Variants in AGBL1 observed in about 807,000 individuals in gnomAD.
AGBL1 encodes AGBL carboxypeptidase 1.
Under a neutral mutation model 118.9 loss-of-function variants are expected in AGBL1, and 130 were observed. The ratio of observed to expected loss-of-function variants is 1.09; its 90% CI spans 0.95 to 1.26. AGBL1 has a LOEUF of 1.26. AGBL1 is among the 50% of genes most tolerant of loss of function. The pLI is 0.00. For synonymous variants in AGBL1, 555 were observed against 478.9 expected (o/e 1.16, Z -2.08); for missense variants, 1,584 against 1,298.1 (o/e 1.22, Z -3.38).
At chr15:86,375,995 G>A (rs1441023303) in intron 17 of AGBL1, among the ~76,000 whole-genome samples, 1 of 152,196 alleles carries the variant, frequency 6.6e-6, no homozygotes, top group African/African-American at 2.4e-5. Flanking sequence ...ACAAGTTGGT[G>A]TGTCTTAAAT....
At chr15:86,997,250 T>C (rs1442082797) in intron 24 of AGBL1, among the ~76,000 whole-genome samples, 1 of 152,134 alleles carries the variant, frequency 6.6e-6, no homozygotes, top group Non-Finnish European at 1.5e-5. Flanking sequence ...ACATTGTATC[T>C]CAGAGATAAC....
intron 22 of AGBL1, among the ~76,000 whole-genome samples, chr15:86,709,025 T>C (rs559256051): frequency 6.6e-6 from 1 of 152,184 alleles, no homozygotes; most frequent in South Asian, 2.1e-4. Context: ...CTAAAAGGTA[T>C]GACTATTTTC....
intron 3 of AGBL1, among the ~76,000 whole-genome samples, chr15:86,144,950 C>G (rs2077012920): frequency 6.6e-6 from 1 of 152,194 alleles, no homozygotes; most frequent in Non-Finnish European, 1.5e-5. Context: ...AAGGTGTTGG[C>G]AGGGTTGGTT....
chr15:87,016,894 T>A (rs1425759109), intron 24 of AGBL1, among the ~76,000 whole-genome samples: 1 of 152,234 alleles, frequency 6.6e-6, no homozygotes, highest in South Asian at 2.1e-4. Flanking sequence ...CAGAGAGCTG[T>A]GTGAAGTCCC....
chr15:87,007,607 A>G (rs900842411), intron 24 of AGBL1, among the ~76,000 whole-genome samples: 9 of 152,252 alleles, frequency 5.9e-5, no homozygotes, highest in African/African-American at 1.9e-4. Flanking sequence ...AGAGATAACT[A>G]TATAAGAAGT....
At chr15:86,767,332 T>C (rs2078110332) in intron 22 of AGBL1, among the ~76,000 whole-genome samples, 1 of 151,930 alleles carries the variant, frequency 6.6e-6, no homozygotes, top group African/African-American at 2.4e-5. Flanking sequence ...CTGGTGTCAT[T>C]ATAAATTATT....
At chr15:86,302,669 C>T (rs747853976) in intron 17 of AGBL1, among the ~76,000 whole-genome samples, 21 of 150,386 alleles carry the variant, frequency 1.4e-4, no homozygotes, top group Non-Finnish European at 2.4e-4. Flanking sequence ...CTCCCAGCTA[C>T]TTAGGTGGCT....
At chr15:86,473,089 A>G (rs938465368) in intron 18 of AGBL1, among the ~76,000 whole-genome samples, 2 of 152,232 alleles carry the variant, frequency 1.3e-5, no homozygotes, top group African/African-American at 4.8e-5. Context: ...TTAAAATATC[A>G]TTATAATGCC....
chr15:86,697,939 C>G (rs1442934556), intron 22 of AGBL1, among the ~76,000 whole-genome samples: 2 of 151,912 alleles, frequency 1.3e-5, no homozygotes, highest in Non-Finnish European at 2.9e-5. Flanking sequence ...TGGGCTGTCT[C>G]CCAGGTCCTG....
At chr15:86,596,112 AAC>A (rs2084401882) in intron 21 of AGBL1, among the ~76,000 whole-genome samples, 1 of 152,050 alleles carries the variant, frequency 6.6e-6, no homozygotes, top group Admixed American at 6.6e-5. Flanking sequence ...CAGCCTGGAC[AAC>A]ACAGGAAGAC....
At chr15:86,464,901 C>A (rs2082383012) in intron 18 of AGBL1, among the ~76,000 whole-genome samples, 1 of 151,748 alleles carries the variant, frequency 6.6e-6, no homozygotes, top group Admixed American at 6.6e-5. Flanking sequence ...CTGAAATTTT[C>A]TTTTTCTTGG....
At chr15:86,236,942 C>CGGGG (rs1261702473) in intron 6 of AGBL1, among the ~76,000 whole-genome samples, 8 of 43,010 alleles carry the variant, frequency 1.9e-4, no homozygotes, top group Non-Finnish European at 2.3e-4. Flanking sequence ...CGGGGGGGGG[C>CGGGG]GGGGGGGGGC....
chr15:86,736,774 A>G (rs1439112596), intron 22 of AGBL1, among the ~76,000 whole-genome samples: 2 of 152,198 alleles, frequency 1.3e-5, no homozygotes, highest in Non-Finnish European at 2.9e-5. Context: ...CTGCGACATT[A>G]ATACCTGGCT....
At chr15:86,626,404 G>A (rs149183297) in intron 21 of AGBL1, among the ~76,000 whole-genome samples, 46 of 152,294 alleles carry the variant, frequency 3.0e-4, no homozygotes, top group Middle Eastern at 6.8e-3. Flanking sequence ...AACTAATGCG[G>A]TAACAGAGAA....
At chr15:86,889,963 A>G (rs1290888606) in intron 22 of AGBL1, among the ~76,000 whole-genome samples, 1 of 152,208 alleles carries the variant, frequency 6.6e-6, no homozygotes, top group African/African-American at 2.4e-5. Context: ...TCTTTGAGGA[A>G]TCACCCACAC....
chr15:86,637,162 G>T (rs971020113), intron 21 of AGBL1, among the ~76,000 whole-genome samples: 1 of 152,070 alleles, frequency 6.6e-6, no homozygotes, highest in Admixed American at 6.5e-5. Flanking sequence ...TGAGGAAGAT[G>T]CACATTACAC....
downstream of AGBL1, among the ~76,000 whole-genome samples, chr15:86,918,143 T>C (rs577795871): frequency 2.6e-5 from 4 of 152,358 alleles, no homozygotes; most frequent in South Asian, 2.1e-4. Context: ...ATGAATATGA[T>C]GGTAATGATA....
intron 23 of AGBL1, among the ~76,000 whole-genome samples, chr15:86,979,895 T>A (rs1055751107): frequency 5.3e-5 from 8 of 152,044 alleles, no homozygotes; most frequent in African/African-American, 1.9e-4. Flanking sequence ...CCCTTTCCCA[T>A]CCCATAACAA....
At chr15:86,146,548 A>C (rs532677285) in intron 3 of AGBL1, among the ~76,000 whole-genome samples, 176 of 152,338 alleles carry the variant, frequency 1.2e-3, no homozygotes, top group Admixed American at 5.0e-3. Context: ...TCACATGCTT[A>C]TCATATGTTC....
Sources: allele counts gnomAD v4.1 joint callset (sites outside exome capture counted in the v4.1 genomes callset), GRCh38; gene constraint gnomAD v4.1.1; transcripts MANE v1.5; gene names NCBI Gene and HGNC (gene_info 2026-07-23, HGNC 2026-07-21).